AP3B1: variants seen among roughly 807,000 people sequenced by gnomAD.
AP3B1 encodes the protein adaptor related protein complex 3 subunit beta 1.
Under a neutral mutation model 132.5 loss-of-function variants are expected in AP3B1, and 61 were observed. The ratio of observed to expected loss-of-function variants is 0.46; its 90% CI spans 0.37 to 0.57. The LOEUF (loss-of-function observed/expected upper bound fraction) is 0.57, where lower values mean the gene tolerates loss of function less well. Ranked by LOEUF, AP3B1 falls within the 20% of genes least tolerant of loss-of-function variation. AP3B1 has a pLI of 0.00. For synonymous variants in AP3B1, 388 were observed against 438.3 expected (o/e 0.89, Z 1.43); for missense variants, 1,120 against 1,289.4 (o/e 0.87, Z 2.01).
chr5:78,096,428 G>A (rs1455643636), intron 21 of AP3B1, among the ~76,000 whole-genome samples: 1 of 151,712 alleles, frequency 6.6e-6, no homozygotes, highest in African/African-American at 2.4e-5. Flanking sequence ...CTGCCCGGCC[G>A]CCACCCCGTC....
At chr5:78,157,426 A>G (rs1446487929) in intron 13 of AP3B1, among the ~76,000 whole-genome samples, 1 of 152,190 alleles carries the variant, frequency 6.6e-6, no homozygotes, top group Non-Finnish European at 1.5e-5. Flanking sequence ...AGTAACTACT[A>G]CTGGAGGTGG....
At chr5:78,287,190 A>G (rs1384713812) in intron 1 of AP3B1, among the ~76,000 whole-genome samples, 1 of 152,194 alleles carries the variant, frequency 6.6e-6, no homozygotes, top group Non-Finnish European at 1.5e-5. Flanking sequence ...ATAACATAAA[A>G]TCTCACATCT....
intron 20 of AP3B1, among the ~76,000 whole-genome samples, chr5:78,109,368 CAT>C (rs1160344614): frequency 2.0e-5 from 3 of 152,178 alleles, no homozygotes; most frequent in East Asian, 3.9e-4. Flanking sequence ...ACTCAGATAA[CAT>C]ATTGAAGAGA....
intron 3 of AP3B1, among the ~76,000 whole-genome samples, chr5:78,229,945 G>C (rs578119813): frequency 2.6e-5 from 4 of 151,796 alleles, no homozygotes; most frequent in Non-Finnish European, 5.9e-5. Flanking sequence ...CTAATTTCTC[G>C]TGAAACATAA....
chr5:78,156,361 A>C lies in AP3B1; in HGVS notation c.1370T>G (p.Val457Gly). Residue 457 changes from valine (V) to glycine (G), a missense_variant, in exon 14 of 27, where the codon GTT (valine) becomes GGT (glycine). By Grantham distance (109) the Val-to-Gly change is moderately radical (BLOSUM62 -3). This residue lies in a region of AP3B1 where 906 missense variants were observed against 997.1 expected (regional missense o/e 0.91). Transcript: ENST00000255194. The stretch of plus-strand genomic sequence containing the variant: ...TATAACAACCACACTTTCAGCAACA[A>C]CTATTTCTGAAAAAGATAGAAATTA... The part of the protein sequence containing the change: ...VCLLSNRDEI[V>G]VAESVVVIKK... 1.2e-6 allele frequency: 2 copies of C among 1,602,786 alleles called. No homozygotes were observed. Among genetic ancestry groups the C allele is most frequent in the Non-Finnish European group, 1.7e-6 (2 of 1,170,006 alleles).
chr5:78,218,370 C>T (rs529486490), intron 6 of AP3B1, among the ~76,000 whole-genome samples: 1 of 152,094 alleles, frequency 6.6e-6, no homozygotes, highest in East Asian at 1.9e-4. Flanking sequence ...TAAATCACTC[C>T]AACAAAACCA....
intron 26 of AP3B1, among the ~76,000 whole-genome samples, chr5:78,008,985 C>T (rs1427380953): frequency 6.6e-6 from 1 of 151,990 alleles, no homozygotes; most frequent in Non-Finnish European, 1.5e-5. Flanking sequence ...TGTTTGCAAC[C>T]CTAGCACCAG....
intron 2 of AP3B1, among the ~76,000 whole-genome samples, chr5:78,252,230 T>C (rs1643110477): frequency 6.6e-6 from 1 of 152,150 alleles, no homozygotes; most frequent in Non-Finnish European, 1.5e-5. Context: ...TGAGACTTGT[T>C]GGCTTCAGGT....
chr5:78,172,480 A>AG (rs1743960526), intron 11 of AP3B1, among the ~76,000 whole-genome samples: 1 of 152,250 alleles, frequency 6.6e-6, no homozygotes, highest in Non-Finnish European at 1.5e-5. Flanking sequence ...GTACGTGTCC[A>AG]GGAATTTATC....
Position 78,003,025 on chromosome 5 carries a change from T to C in AP3B1, c.3162A>G (p.Ser1054=), listed in dbSNP as rs772549509. ...TCAGTTCCACTGTGACTAGCATCAA[T>C]GACCCACTGTGCACAGTTTTAGCTG... ...RFAAKTVHSG[S]LMLVTVELKE... is the part of the protein sequence containing the mutation. Residue 1054 remains serine, a synonymous_variant, in exon 27 of 27, where the codon TCA becomes TCG. Transcript: ENST00000255194. The C allele has an allele frequency of 1.2e-6, 2 of 1,614,072 alleles. No individual in the cohort carries two copies. The highest frequency in any genetic ancestry group is 1.3e-5 in the African/African-American group (1 of 74,930).
intron 1 of AP3B1, among the ~76,000 whole-genome samples, chr5:78,283,139 A>T (rs1295486458): frequency 6.6e-6 from 1 of 152,210 alleles, no homozygotes; most frequent in African/African-American, 2.4e-5. Context: ...ACAACTAGTC[A>T]ATGAGTGTAG....
intron 22 of AP3B1, among the ~76,000 whole-genome samples, chr5:78,065,038 C>A (rs1310813918): frequency 1.3e-5 from 2 of 152,126 alleles, no homozygotes; most frequent in African/African-American, 4.8e-5. Context: ...GTTGGCACGA[C>A]CCACGGAGAG....
intron 7 of AP3B1, among the ~76,000 whole-genome samples, chr5:78,193,253 C>CTT (rs2112436974): frequency 1.3e-5 from 2 of 152,178 alleles, no homozygotes; most frequent in East Asian, 3.9e-4. Flanking sequence ...AGCCTAGATA[C>CTT]TTAAGTAAGT....
At chr5:78,168,001 CA>C (rs1743721492) in intron 11 of AP3B1, among the ~76,000 whole-genome samples, 1 of 110,554 alleles carries the variant, frequency 9.0e-6, no homozygotes, top group African/African-American at 3.6e-5. Context: ...ACCTGTTCAC[CA>C]AAAACCTACT....
chr5:78,145,390 A>T (rs1036902501), intron 14 of AP3B1, among the ~76,000 whole-genome samples: 2 of 152,212 alleles, frequency 1.3e-5, no homozygotes, highest in East Asian at 1.9e-4. Context: ...ATATGAGGAA[A>T]CTAGGTAACA....
intron 26 of AP3B1, among the ~76,000 whole-genome samples, chr5:78,007,776 G>A (rs528607396): frequency 2.0e-5 from 3 of 152,168 alleles, no homozygotes; most frequent in East Asian, 3.9e-4. Flanking sequence ...ATTCTATTTT[G>A]TTGACTATAA....
Position 78,041,274 on chromosome 5 carries a change from CAA to C in AP3B1, c.2578-2002_2578-2001del, listed in dbSNP as rs200136009. On this transcript the variant is annotated intron_variant, in intron 22 of 26. Coordinates refer to ENST00000255194, the MANE Select transcript of AP3B1 (RefSeq NM_003664.5). Reference sequence around the variant, plus strand: ...GGGCAACAAGAGCAAAACTCCGTCTCAAAAAAAAAAAAAAATCATCACCTCTA... The same window carrying C: ...GGGCAACAAGAGCAAAACTCCGTCTCAAAAAAAAAAAAATCATCACCTCTA... Among the ~76,000 whole-genome samples the C allele has an allele frequency of 8.6e-5, 10 of 116,224 alleles. No homozygotes were observed. In the South Asian group the frequency reaches 1.9e-3, roughly 22 times the overall value. The allele number at this position is 116,224 out of a possible 152,430, so 76.2% of individuals were successfully genotyped here.
chr5:78,117,172 CTTTTTT>C (rs70997968), intron 17 of AP3B1, among the ~76,000 whole-genome samples: 5 of 122,244 alleles, frequency 4.1e-5, no homozygotes, highest in East Asian at 2.3e-4. Context: ...TCCCCACCAC[CTTTTTT>C]TTTTTTTTTT....
chr5:78,065,031 G>C (rs1749220714), intron 22 of AP3B1, among the ~76,000 whole-genome samples: 2 of 152,128 alleles, frequency 1.3e-5, no homozygotes, highest in South Asian at 4.1e-4. Flanking sequence ...CTAGGTGGTT[G>C]GCACGACCCA....
Sources: gnomAD v4.1 joint callset for allele counts (sites outside exome capture counted in the v4.1 genomes callset) on GRCh38, gnomAD v4.1.1 for gene constraint, gnomAD v4.1.1 regional missense constraint, MANE v1.5 for transcripts, NCBI Gene and HGNC (gene_info 2026-07-23, HGNC 2026-07-21) for gene names.